The following SGK3 variants were observed in gnomAD, a reference collection of about 807,000 sequenced individuals.
The protein encoded by SGK3 is serum/glucocorticoid regulated kinase family member 3.
Under a neutral mutation model 68.5 loss-of-function variants are expected in SGK3, and 47 were observed. The observed-to-expected ratio is 0.69, with a 90% CI of 0.54 to 0.87. The LOEUF is 0.87. Among genes scored for constraint, SGK3 ranks in the 40% least tolerant of loss-of-function variants. The pLI is 0.00. For missense variants in SGK3, 479 were observed against 575.5 expected (o/e 0.83, Z 1.72); for synonymous variants, 181 against 189.1 (o/e 0.96, Z 0.35).
intron 1 of SGK3, among the ~76,000 whole-genome samples, chr8:66,719,640 C>G (rs893654230): frequency 6.6e-6 from 1 of 152,150 alleles, no homozygotes; most frequent in Admixed American, 6.6e-5. Context: ...TTATTTAACA[C>G]TATATATAGA....
chr8:66,828,019 G>A (rs901458230), intron 6 of SGK3, among the ~76,000 whole-genome samples: 1 of 152,010 alleles, frequency 6.6e-6, no homozygotes, highest in African/African-American at 2.4e-5. Flanking sequence ...AGCTATTCGG[G>A]AGGCTGAGAC....
chr8:66,791,516 G>A (rs58416462), intron 1 of SGK3, among the ~76,000 whole-genome samples: 8,291 of 152,256 alleles, frequency 0.054, 311 homozygotes, highest in African/African-American at 0.11. Flanking sequence ...CCTTACAGGA[G>A]ACAAGTTGTC....
chr8:66,859,691 T>G lies in SGK3; in HGVS notation c.*110T>G, dbSNP rs1810681763. 3.3e-6 allele frequency: 4 copies of G among 1,230,132 alleles called. No individual in the cohort carries two copies. The South Asian group carries it at 1.0e-4, about 32-fold the overall frequency. 76.2% of individuals were successfully genotyped at this position (1,230,132 alleles called of 1,614,324 possible). A position where few individuals can be genotyped will look rare whatever the true frequency, so the allele number is the denominator to read the frequency against. The stretch of plus-strand genomic sequence containing the variant: ...GTATAACTAGTGCCTCATTTTTATA[T>G]GTAATGATGAAAACTATGAAAAAAT... On this transcript the variant is annotated 3_prime_UTR_variant, in exon 17 of 17. Coordinates refer to ENST00000521198, the MANE Select transcript of SGK3 (RefSeq NM_001033578.3).
intron 1 of SGK3, chr8:66,737,294 G>A (rs1050033953): frequency 6.6e-6 from 1 of 151,974 alleles, no homozygotes; most frequent in African/African-American, 2.4e-5. Context: ...TGAAGCAGGA[G>A]GATCGCCTAA....
intron 1 of SGK3, among the ~76,000 whole-genome samples, chr8:66,715,269 T>G (rs1228327420): frequency 1.3e-5 from 2 of 152,160 alleles, no homozygotes; most frequent in South Asian, 2.1e-4. Context: ...TTCTTTGTTT[T>G]TTTTTTGAGA....
At chr8:66,719,089 A>G (rs997908054) in intron 1 of SGK3, among the ~76,000 whole-genome samples, 1 of 152,172 alleles carries the variant, frequency 6.6e-6, no homozygotes, top group Non-Finnish European at 1.5e-5. Flanking sequence ...CCAATAAAAA[A>G]GTATGTATGC....
chr8:66,741,569 A>T (rs1019096071), intron 1 of SGK3, among the ~76,000 whole-genome samples: 1 of 151,560 alleles, frequency 6.6e-6, no homozygotes, highest in Non-Finnish European at 1.5e-5. Context: ...TAATAATAAT[A>T]ATTATATGTT....
At chr8:66,855,714 A>C (rs1315615086) in intron 16 of SGK3, among the ~76,000 whole-genome samples, 1 of 152,220 alleles carries the variant, frequency 6.6e-6, no homozygotes, top group Non-Finnish European at 1.5e-5. Flanking sequence ...CAGAAAAAGA[A>C]ATACAAATAG....
At chr8:66,834,798 C>T (rs781404656) in intron 8 of SGK3, among the ~76,000 whole-genome samples, 22 of 151,560 alleles carry the variant, frequency 1.5e-4, no homozygotes, top group Admixed American at 3.3e-4. Flanking sequence ...AAATTAGCCC[C>T]GTGTGGTGGT....
chr8:66,745,093 T>C lies in SGK3; in HGVS notation c.-122+32260T>C, dbSNP rs574649627. 2.0e-5 allele frequency among the ~76,000 whole-genome samples: 3 copies of C among 152,268 alleles called. No homozygotes were observed. The East Asian group carries it at 5.8e-4, about 29-fold the overall frequency. On this transcript the variant is annotated intron_variant, in intron 1 of 16. Coordinates refer to ENST00000521198, the MANE Select transcript of SGK3 (RefSeq NM_001033578.3). ...CCTTCTATCTCTATGAAAATTGGTT[T>C]TTCTTTTAATAGACAAAACCCATTT...
intron 4 of SGK3, among the ~76,000 whole-genome samples, chr8:66,810,868 T>G (rs1368322641): frequency 1.3e-5 from 2 of 152,194 alleles, no homozygotes; most frequent in Non-Finnish European, 2.9e-5. Context: ...GTCTACTTTA[T>G]TCTAGTGTTT....
chr8:66,743,780 T>C (rs1256790707), intron 1 of SGK3, among the ~76,000 whole-genome samples: 1 of 152,248 alleles, frequency 6.6e-6, no homozygotes, highest in East Asian at 1.9e-4. Flanking sequence ...CCCAAAGTGC[T>C]GAGATTACAG....
intron 1 of SGK3, among the ~76,000 whole-genome samples, chr8:66,753,858 C>G (rs549187776): frequency 2.0e-5 from 3 of 152,134 alleles, no homozygotes; most frequent in East Asian, 3.9e-4. Flanking sequence ...TGATCTCCCC[C>G]TCTCCATACC....
chr8:66,804,796 A>G (rs1023062024), intron 4 of SGK3, among the ~76,000 whole-genome samples: 1 of 152,226 alleles, frequency 6.6e-6, no homozygotes, highest in African/African-American at 2.4e-5. Context: ...ATATAAATTT[A>G]TCTGTCAATG....
chr8:66,729,363 C>T (rs1446826737), intron 1 of SGK3, among the ~76,000 whole-genome samples: 13 of 139,456 alleles, frequency 9.3e-5, no homozygotes, highest in East Asian at 4.4e-4. Context: ...GGCTGAGGCA[C>T]GAGAATGGCG....
chr8:66,767,293 T>G, intron 1 of SGK3: 3 of 726,850 alleles, frequency 4.1e-6, no homozygotes, highest in South Asian at 3.7e-5. Flanking sequence ...TTTTTCCTTT[T>G]AATGGTTATT....
At chr8:66,816,009 T>A (rs1808560271) in intron 5 of SGK3, among the ~76,000 whole-genome samples, 1 of 150,564 alleles carries the variant, frequency 6.6e-6, no homozygotes. Context: ...TAAACTTAAT[T>A]TTTTTTTTGA....
At chr8:66,844,760 G>T (rs1332500193) in intron 14 of SGK3, among the ~76,000 whole-genome samples, 1 of 152,202 alleles carries the variant, frequency 6.6e-6, no homozygotes, top group Non-Finnish European at 1.5e-5. Flanking sequence ...CGCTTACAGT[G>T]AAATTCAGCA....
chr8:66,838,361 G>A (rs931942894), intron 10 of SGK3, among the ~76,000 whole-genome samples: 1 of 152,136 alleles, frequency 6.6e-6, no homozygotes, highest in Non-Finnish European at 1.5e-5. Flanking sequence ...ACCGCACCTG[G>A]CTGAAATTTT....
Sources: allele counts gnomAD v4.1 joint callset (sites outside exome capture counted in the v4.1 genomes callset), GRCh38; gene constraint gnomAD v4.1.1; transcripts MANE v1.5; gene names NCBI Gene and HGNC (gene_info 2026-07-23, HGNC 2026-07-21).